Variants in ABCA13 observed in about 807,000 individuals in gnomAD.
ABCA13 encodes the protein ATP binding cassette subfamily A member 13.
Under a neutral mutation model 478.7 loss-of-function variants are expected in ABCA13, and 476 were observed. The observed-to-expected ratio is 0.99, with a 90% confidence interval of 0.92 to 1.07. The LOEUF (loss-of-function observed/expected upper bound fraction) is 1.07, where lower values mean the gene tolerates loss of function less well. Ranked by LOEUF, ABCA13 falls within the 50% of genes least tolerant of loss-of-function variation. The pLI, the probability that ABCA13 is intolerant of heterozygous loss-of-function variation, is 0.00. For missense variants in ABCA13, 6,060 were observed against 5,910.6 expected (o/e 1.03, Z -0.83); for synonymous variants, 2,252 against 2,158.9 (o/e 1.04, Z -1.20).
intron 59 of ABCA13, among the ~76,000 whole-genome samples, chr7:48,634,812 C>T (rs1330284307): frequency 6.6e-6 from 1 of 152,080 alleles, no homozygotes; most frequent in Non-Finnish European, 1.5e-5. Flanking sequence ...GTCTCATAAG[C>T]TTTGGAATGT....
intron 42 of ABCA13, among the ~76,000 whole-genome samples, chr7:48,439,151 C>T (rs188188953): frequency 6.6e-6 from 1 of 152,118 alleles, no homozygotes; most frequent in African/African-American, 2.4e-5. Context: ...GGGCTGGGCA[C>T]AGCCCAACAA....
chr7:48,388,864 T>C (rs1815597929), intron 36 of ABCA13, among the ~76,000 whole-genome samples, 176 bp from the exon 37 acceptor site: 1 of 152,242 alleles, frequency 6.6e-6, no homozygotes, highest in South Asian at 2.1e-4. Context: ...TATCACTTAA[T>C]GTTTGCCATT....
At chr7:48,238,467 C>CTTT (rs34705800) in intron 8 of ABCA13, among the ~76,000 whole-genome samples, 1 of 144,960 alleles carries the variant, frequency 6.9e-6, no homozygotes, top group Non-Finnish European at 1.5e-5. Context: ...TGTTGAAGTT[C>CTTT]TTTTTTTTTT....
intron 26 of ABCA13, 146 bp from the exon 27 acceptor site, chr7:48,317,011 A>C (rs1802688269): frequency 3.2e-6 from 3 of 933,230 alleles, no homozygotes; most frequent in Non-Finnish European, 4.7e-6. Context: ...TATTCAAACT[A>C]TAGCACTCCC....
At chr7:48,587,032 A>C in intron 56 of ABCA13, 122 bp from the exon 57 acceptor site, 1 of 1,304,936 alleles carries the variant, frequency 7.7e-7, no homozygotes, top group Admixed American at 2.1e-5. Flanking sequence ...GATGTACTTG[A>C]TTGTATGTGT....
At chr7:48,444,976 G>T (rs1824090583) in intron 42 of ABCA13, among the ~76,000 whole-genome samples, 1 of 151,390 alleles carries the variant, frequency 6.6e-6, no homozygotes, top group Non-Finnish European at 1.5e-5. Flanking sequence ...CTACACTGCA[G>T]CCAAGTCTTT....
rs117771319 is a variant in ABCA13, at chr7:48,442,949, G to A, written c.12566-12088G>A. 3.7e-3 allele frequency among the ~76,000 whole-genome samples: 570 copies of A among 152,272 alleles called. 1 individual carries two copies. The highest frequency in any genetic ancestry group is 0.01 in the Middle Eastern group (3 of 294). On this transcript the variant is annotated intron_variant, in intron 42 of 61. Transcript: ENST00000435803. ...CTGTTTGTTGAAGTCTTAACCCTCA[G>A]TACCTCAGCATGTGACTATAGCTAG...
At chr7:48,247,409 G>C (rs187429365) in intron 13 of ABCA13, among the ~76,000 whole-genome samples, 24 of 152,020 alleles carry the variant, frequency 1.6e-4, no homozygotes, top group Non-Finnish European at 2.4e-4. Flanking sequence ...AGTCTCATAC[G>C]AAGCAGGGAA....
intron 2 of ABCA13, among the ~76,000 whole-genome samples, chr7:48,197,514 G>T (rs1490549607): frequency 1.3e-5 from 2 of 152,134 alleles, no homozygotes; most frequent in South Asian, 4.1e-4. Flanking sequence ...GCAGCCTGAA[G>T]AGCAAAGGGA....
intron 23 of ABCA13, among the ~76,000 whole-genome samples, chr7:48,307,971 A>G (rs941596629): frequency 6.6e-6 from 1 of 152,222 alleles, no homozygotes; most frequent in African/African-American, 2.4e-5. Flanking sequence ...GGTGTGAGCA[A>G]CTGCACCCTG....
chr7:48,615,510 C>A (rs1025665398), intron 59 of ABCA13, 133 bp downstream of exon 59: 47 of 695,768 alleles, frequency 6.8e-5, no homozygotes, highest in Middle Eastern at 4.4e-4. Flanking sequence ...GATGAAGGCT[C>A]TGAGGGGATA....
chr7:48,307,287 G>A (rs1264427494), intron 23 of ABCA13, among the ~76,000 whole-genome samples: 1 of 152,192 alleles, frequency 6.6e-6, no homozygotes, highest in African/African-American at 2.4e-5. Context: ...TTGCTCCTAG[G>A]CTACAAACCT....
intron 42 of ABCA13, among the ~76,000 whole-genome samples, chr7:48,445,004 T>G (rs1248485699): frequency 3.5e-5 from 4 of 115,172 alleles, no homozygotes; most frequent in African/African-American, 1.5e-4. Context: ...TCTCTCTTTC[T>G]TTCTTTCTTT....
intron 56 of ABCA13, among the ~76,000 whole-genome samples, chr7:48,583,965 A>C (rs975264821): frequency 6.6e-6 from 1 of 152,248 alleles, no homozygotes; most frequent in Non-Finnish European, 1.5e-5. Context: ...TGCAGGCTGC[A>C]ATATTTAACC....
intron 53 of ABCA13, among the ~76,000 whole-genome samples, chr7:48,521,024 T>G (rs946582452): frequency 1.3e-5 from 2 of 151,130 alleles, no homozygotes; most frequent in Non-Finnish European, 2.9e-5. Context: ...ATGGGGCATG[T>G]GTAGACATGT....
chr7:48,176,520 G>A (rs569767147), intron 1 of ABCA13, among the ~76,000 whole-genome samples: 1 of 152,112 alleles, frequency 6.6e-6, no homozygotes, highest in Admixed American at 6.6e-5. Context: ...GATTTAAAAG[G>A]CCACAGTGAT....
At chr7:48,264,637 T>C (rs1760233599) in intron 15 of ABCA13, among the ~76,000 whole-genome samples, 1 of 151,832 alleles carries the variant, frequency 6.6e-6, no homozygotes, top group Admixed American at 6.6e-5. Context: ...ATTTGTTTAT[T>C]ATTTAGTTTA....
chr7:48,264,959 T>A (rs1794681845), intron 15 of ABCA13, among the ~76,000 whole-genome samples: 1 of 151,746 alleles, frequency 6.6e-6, no homozygotes, highest in Non-Finnish European at 1.5e-5. Flanking sequence ...AATTTTTGTA[T>A]GTGGTGTAGG....
chr7:48,193,540 C>A (rs369778691), intron 2 of ABCA13, among the ~76,000 whole-genome samples: 151,865 of 151,882 alleles, frequency 1, 75,924 homozygotes, highest in Middle Eastern at 1. Context: ...TATAATGGTG[C>A]AAGAGATAAT....
Sources: allele counts gnomAD v4.1 joint callset (sites outside exome capture counted in the v4.1 genomes callset), GRCh38; gene constraint gnomAD v4.1.1; transcripts MANE v1.5; gene names NCBI Gene and HGNC (gene_info 2026-07-23, HGNC 2026-07-21).